The following MUC5AC variants were observed in gnomAD, a reference collection of about 807,000 sequenced individuals.
MUC5AC encodes the protein mucin 5AC, oligomeric mucus/gel-forming, also known as mucin-5AC.
In MUC5AC, 158 loss-of-function variants were observed where a neutral mutation model predicts 169.7. The ratio of observed to expected loss-of-function variants is 0.93; its 90% confidence interval spans 0.82 to 1.06. MUC5AC has a LOEUF of 1.06. Ranked by LOEUF, MUC5AC falls within the 50% of genes least tolerant of loss-of-function variation. The pLI is 0.00. For synonymous variants in MUC5AC, 1,975 were observed against 1,237.0 expected (o/e 1.60, Z -12.52); for missense variants, 4,359 against 3,089.9 (o/e 1.41, Z -9.74).
rs575534170 is a variant in MUC5AC at position 1,168,710 on chromosome 11, A to T, written c.1636A>T (p.Asn546Tyr). 6.2e-7 allele frequency: 1 copy of T among 1,610,630 alleles called. No individual in the cohort carries two copies. The change falls in exon 14 of 49, where the codon AAC becomes TAC. Residue 546 changes from asparagine (N) to tyrosine (Y), a missense_variant. By Grantham distance (143) the Asn-to-Tyr change is moderately radical. Transcript: ENST00000621226. The stretch of plus-strand genomic sequence containing the variant: ...CCAGACCAGCCTGGGCCTGCAGCTG[A>T]ACCTGCAGCTGGTGCCCACCATGCA... ...IAQTSLGLQL[N>Y]LQLVPTMQLF... is the part of the protein sequence containing the mutation.
chr11:1,199,039 G>A (rs541062843), intron 44 of MUC5AC, 43 bp downstream of exon 44: 47 of 763,010 alleles, frequency 6.2e-5, no homozygotes, highest in African/African-American at 5.1e-5. Context: ...TGGCTCTTGG[G>A]GGGCAGCGGT....
intron 16 of MUC5AC, among the ~76,000 whole-genome samples, chr11:1,174,127 A>T (rs2133740739): frequency 6.6e-6 from 1 of 152,376 alleles, no homozygotes; most frequent in Non-Finnish European, 1.5e-5. Context: ...GCCCTACACT[A>T]GGCCCAGGGG....
At position 1,177,364 on chromosome 11, in the gene MUC5AC, C is replaced by T. The variant is rs914456440; in HGVS notation, c.2907+20C>T. 21 of 427,356 alleles carry T rather than the reference C, an allele frequency of 4.9e-5. No individual in the cohort carries two copies. The highest frequency in any genetic ancestry group is 3.8e-4 in the African/African-American group (19 of 49,488). The allele number at this position is 427,356 out of a possible 1,614,324, so 26.5% of individuals were successfully genotyped here. A position where few individuals can be genotyped will look rare whatever the true frequency, so the allele number is the denominator to read the frequency against. On this transcript the variant is annotated intron_variant, in intron 23 of 48. Coordinates refer to ENST00000621226, the MANE Select transcript of MUC5AC (RefSeq NM_001304359.2). ...CTGGGGGTGAGCGAGGCTGGGTGGT[C>T]GCATGCCCTCCAGGAGGCTCCCATG...
At chr11:1,160,555 G>A (rs1394911010) in intron 1 of MUC5AC, 57 bp from the exon 2 acceptor site, 1 of 1,493,088 alleles carries the variant, frequency 6.7e-7, no homozygotes, top group Non-Finnish European at 9.1e-7. Context: ...TGTGGCCGCA[G>A]CCTGAGCCCC....
chr11:1,180,819 G>A (rs1371795882), intron 28 of MUC5AC, among the ~76,000 whole-genome samples: 1 of 152,098 alleles, frequency 6.6e-6, no homozygotes, highest in African/African-American at 2.4e-5. Context: ...GGGCCGAGAT[G>A]GAGCCCTAGG....
intron 36 of MUC5AC, 22 bp downstream of exon 36, chr11:1,195,301 G>GGGA: frequency 4.0e-6 from 3 of 752,744 alleles, no homozygotes; most frequent in Non-Finnish European, 7.4e-6. Context: ...GTGCAAGGGA[G>GGGA]GGAGGGTCAG....
intron 2 of MUC5AC, among the ~76,000 whole-genome samples, chr11:1,160,969 C>T (rs1009762008): frequency 5.9e-5 from 9 of 152,216 alleles, no homozygotes; most frequent in East Asian, 3.9e-4. Flanking sequence ...GGTCACCCTC[C>T]GGGGATCTGG....
At chr11:1,192,596 C>A in intron 31 of MUC5AC, 71 bp downstream of exon 31, 1 of 733,588 alleles carries the variant, frequency 1.4e-6, no homozygotes, top group South Asian at 1.5e-5. Context: ...GAACGCCAAG[C>A]TGTGATGATG....
chr11:1,195,131 C>CG lies in MUC5AC; in HGVS notation c.15312dup (p.Pro5105AlafsTer52), dbSNP rs1289302719. ...CATACCCGACCAGCCAGCCTGCCAC[C>CG]GGCCTCACCCGACGCCCACCACGGT... On this transcript the variant is annotated frameshift_variant, in exon 36 of 49. Transcript: ENST00000621226. LOFTEE classifies it high-confidence loss of function. 2.6e-6 allele frequency: 2 copies of CG among 764,316 alleles called. No homozygotes were observed. The highest frequency in any genetic ancestry group is 1.7e-5 in the African/African-American group (1 of 59,136). The allele number at this position is 764,316 out of a possible 1,614,324, so 47.3% of individuals were successfully genotyped here.
chr11:1,185,805 A>G lies in MUC5AC; in HGVS notation c.7660A>G (p.Ser2554Gly), dbSNP rs1331259868. 1.0e-4 allele frequency: 75 copies of G among 747,558 alleles called. No homozygotes were observed. The highest frequency in any genetic ancestry group is 9.1e-4 in the Middle Eastern group (4 of 4,412). The allele number at this position is 747,558 out of a possible 1,614,324, so 46.3% of individuals were successfully genotyped here. A position where few individuals can be genotyped will look rare whatever the true frequency, so the allele number is the denominator to read the frequency against. The change falls in exon 31 of 49, where the codon AGC becomes GGC. Residue 2554 changes from serine to glycine, a missense_variant. Physicochemically the swap from Ser to Gly is moderately conservative, Grantham distance 56. Coordinates refer to ENST00000621226, the MANE Select transcript of MUC5AC (RefSeq NM_001304359.2). The part of the protein sequence containing the change: ...PTTSTTSAPI[S>G]STTSATTTST... ...AACCAGCACAACCTCTGCCCCTATA[A>G]GCAGCACAACCTCTGCCACTACAAC...
rs1564905974 is a variant in MUC5AC, at chr11:1,162,653, C to T, written c.588+7C>T. ...CCACGATGACAGCCTGCTGGTGAGG[C>T]TGGGTGGGGGTGTCCCGGTGTGCAA... is the stretch of plus-strand genomic sequence containing the variant. On this transcript the variant is annotated splice_region_variant and intron_variant, in intron 5 of 48. Coordinates refer to ENST00000621226, the MANE Select transcript of MUC5AC (RefSeq NM_001304359.2). 3 of 1,611,538 alleles carry T rather than the reference C, an allele frequency of 1.9e-6. No homozygotes were observed. Among genetic ancestry groups the T allele is most frequent in the Non-Finnish European group, 2.5e-6 (3 of 1,178,786 alleles).
At position 1,162,313 on chromosome 11, in the gene MUC5AC, C is replaced by T. The variant is rs1564905783; in HGVS notation, c.473+145C>T. Reference sequence around the variant, plus strand: ...GAGCTGGACATGGGCCCTCCCTCGTCCCCCGAGTGGCCCACCTGCCCCTCC... The same window carrying T: ...GAGCTGGACATGGGCCCTCCCTCGTTCCCCGAGTGGCCCACCTGCCCCTCC... On this transcript the variant is annotated intron_variant, in intron 4 of 48. Coordinates refer to ENST00000621226, the MANE Select transcript of MUC5AC (RefSeq NM_001304359.2). 7 of 1,342,688 alleles carry T rather than the reference C, an allele frequency of 5.2e-6. No homozygotes were observed. In the Middle Eastern group the frequency reaches 7.9e-4, roughly 152 times the overall value. The allele number at this position is 1,342,688 out of a possible 1,614,324, so 83.2% of individuals were successfully genotyped here.
chr11:1,179,993 C>G, intron 26 of MUC5AC, 29 bp from the exon 27 acceptor site: 1 of 398,680 alleles, frequency 2.5e-6, no homozygotes, highest in African/African-American at 2.1e-5. Context: ...TTCCTGGGAC[C>G]CCACCGAGCC....
intron 12 of MUC5AC, 30 bp from the exon 13 acceptor site, chr11:1,168,453 G>C: frequency 1.2e-6 from 2 of 1,607,702 alleles, no homozygotes; most frequent in East Asian, 2.2e-5. Flanking sequence ...AGCCTGCCCC[G>C]CGCTCACACA....
rs1239295590 is a variant in MUC5AC, at chr11:1,158,090, G to T, written c.73+18G>T. 2 of 1,587,038 alleles carry T rather than the reference G, an allele frequency of 1.3e-6. No individual in the cohort carries two copies. Among genetic ancestry groups the T allele is most frequent in the Non-Finnish European group, 1.7e-6 (2 of 1,169,510 alleles). ...GCATACAGGTACGGCTTGGCCCCTG[G>T]CCGCTCTACTGGTCCTGGGTGGTGC... On this transcript the variant is annotated intron_variant, in intron 1 of 48. Coordinates refer to ENST00000621226, the MANE Select transcript of MUC5AC (RefSeq NM_001304359.2).
intron 27 of MUC5AC, 99 bp from the exon 28 acceptor site, chr11:1,180,255 C>T (rs901068851): frequency 5.0e-6 from 2 of 398,490 alleles, no homozygotes; most frequent in African/African-American, 2.1e-5. Context: ...CATTCTGGTG[C>T]TGTCGGCGAG....
intron 1 of MUC5AC, among the ~76,000 whole-genome samples, chr11:1,160,209 G>A (rs996662095): frequency 7.9e-5 from 12 of 152,080 alleles, no homozygotes; most frequent in Non-Finnish European, 1.3e-4. Context: ...TCTTGGGGCC[G>A]ACCCCTCCCA....
intron 16 of MUC5AC, among the ~76,000 whole-genome samples, chr11:1,173,231 CACTCATTT>C (rs1454387908): frequency 1.1e-4 from 16 of 151,296 alleles, no homozygotes; most frequent in East Asian, 3.9e-4. Flanking sequence ...CGAATTTCTT[CACTCATTT>C]ACTCATTTAC....
rs752270273 is a variant in MUC5AC, at chr11:1,192,912, C to G, written c.14510C>G (p.Thr4837Arg). ...ACCACGCTGCCTCCTGCCCCAGCCA[C>G]GTCCCCTTCAATATCCACCTCCGAG... ...PSTTLPPAPATSPSISTSEPV... is the reference protein window; with the variant it reads ...PSTTLPPAPARSPSISTSEPV... Residue 4837 changes from threonine (T) to arginine (R), a missense_variant, in exon 32 of 49, where the codon ACG (threonine) becomes AGG (arginine). Transcript: ENST00000621226. 1.3e-6 allele frequency: 1 copy of G among 762,714 alleles called. No homozygotes were observed. The highest frequency in any genetic ancestry group is 1.7e-5 in the African/African-American group (1 of 59,206). The allele number at this position is 762,714 out of a possible 1,614,324, so 47.2% of individuals were successfully genotyped here. A position where few individuals can be genotyped will look rare whatever the true frequency, so the allele number is the denominator to read the frequency against.
Sources: gnomAD v4.1 joint callset for allele counts (sites outside exome capture counted in the v4.1 genomes callset) on GRCh38, gnomAD v4.1.1 for gene constraint, MANE v1.5 for transcripts, NCBI Gene and HGNC (gene_info 2026-07-23, HGNC 2026-07-21) for gene names.